The following ARHGEF4 variants were observed in gnomAD, a reference collection of about 807,000 sequenced individuals.
ARHGEF4 encodes the protein APC-stimulated guanine nucleotide exchange factor 1.
In ARHGEF4, 119 loss-of-function variants were observed where a neutral mutation model predicts 162.0. The ratio of observed to expected loss-of-function variants is 0.73; its 90% CI spans 0.63 to 0.86. The LOEUF is 0.86. Ranked by LOEUF, ARHGEF4 falls within the 40% of genes least tolerant of loss-of-function variation. The probability of loss-of-function intolerance (pLI) is 0.00; values close to 1 mark genes in which losing one functional copy is unlikely to be tolerated. For missense variants in ARHGEF4, 2,488 were observed against 2,456.0 expected (o/e 1.01, Z -0.28); for synonymous variants, 1,014 against 979.9 (o/e 1.03, Z -0.65).
At chr2:130,988,872 G>GTGTA (rs1161821092) in intron 4 of ARHGEF4, among the ~76,000 whole-genome samples, 11 of 108,508 alleles carry the variant, frequency 1.0e-4, no homozygotes, top group South Asian at 3.4e-4. Context: ...GTGTGTGTGT[G>GTGTA]TATATATATA....
chr2:130,887,080 A>G (rs1310194052), intron 1 of ARHGEF4, among the ~76,000 whole-genome samples: 1 of 151,886 alleles, frequency 6.6e-6, no homozygotes, highest in Admixed American at 6.5e-5. Flanking sequence ...GTAGTTTCCC[A>G]ATGTTGTTTT....
At chr2:131,005,818 A>G (rs1018306748) in intron 4 of ARHGEF4, among the ~76,000 whole-genome samples, 33 of 152,182 alleles carry the variant, frequency 2.2e-4, no homozygotes, top group African/African-American at 7.7e-4. Context: ...GTGTGTCTGT[A>G]GTAGACAGAA....
intron 1 of ARHGEF4, among the ~76,000 whole-genome samples, chr2:130,878,024 A>T (rs890839315): frequency 6.6e-6 from 1 of 152,076 alleles, no homozygotes. Context: ...TTAGGAGGAG[A>T]TGATGGCACT....
At position 130,914,606 on chromosome 2, in the gene ARHGEF4, C is replaced by T. The variant is rs1025615852; in HGVS notation, c.660C>T (p.Ser220=). ...CTCTTCAGAAATCCAGGTCTGAGAGCTATCTGGGCATCCCAGTGGTCTGGC... is the reference window on the plus strand; with the variant it reads ...CTCTTCAGAAATCCAGGTCTGAGAGTTATCTGGGCATCCCAGTGGTCTGGC... ...SVSLQKSRSE[S]YLGIPVVWPF... The change falls in exon 2 of 14, where the codon AGC becomes AGT. Residue 220 remains serine, a synonymous_variant. Coordinates refer to ENST00000409359, the MANE Select transcript of ARHGEF4 (RefSeq NM_001367493.1). The T allele has an allele frequency of 1.4e-6, 2 of 1,392,788 alleles. No homozygotes were observed. The highest frequency in any genetic ancestry group is 3.7e-5 in the South Asian group (2 of 54,716). 86.3% of individuals were successfully genotyped at this position (1,392,788 alleles called of 1,614,324 possible).
intron 5 of ARHGEF4, 146 bp downstream of exon 5, chr2:131,028,230 G>T: frequency 8.2e-7 from 1 of 1,213,744 alleles, no homozygotes; most frequent in Non-Finnish European, 1.1e-6. Flanking sequence ...GTTTCAGCCT[G>T]CAGTCCTCAT....
At chr2:131,042,618 C>T (rs1690905380) in intron 10 of ARHGEF4, among the ~76,000 whole-genome samples, 1 of 152,170 alleles carries the variant, frequency 6.6e-6, no homozygotes. Context: ...GATTCCAGGG[C>T]CCCACCCTAG....
intron 1 of ARHGEF4, among the ~76,000 whole-genome samples, chr2:130,868,184 C>G (rs891863185): frequency 6.6e-6 from 1 of 152,038 alleles, no homozygotes; most frequent in African/African-American, 2.4e-5. Context: ...CCCGGCCTCC[C>G]AGAGTGCTGG....
At chr2:130,976,925 TA>T (rs1685759658) in intron 4 of ARHGEF4, among the ~76,000 whole-genome samples, 4 of 151,640 alleles carry the variant, frequency 2.6e-5, no homozygotes, top group Non-Finnish European at 5.9e-5. Flanking sequence ...TATGGTGTGT[TA>T]GTATGTGTGG....
At chr2:130,909,656 T>TAAA (rs113498526) in intron 1 of ARHGEF4, among the ~76,000 whole-genome samples, 3 of 145,376 alleles carry the variant, frequency 2.1e-5, no homozygotes, top group African/African-American at 7.5e-5. Context: ...AATAAAGTTG[T>TAAA]AAAAAAAAAA....
intron 4 of ARHGEF4, among the ~76,000 whole-genome samples, chr2:131,005,713 C>T (rs1190127906): frequency 6.6e-6 from 1 of 152,092 alleles, no homozygotes; most frequent in African/African-American, 2.4e-5. Flanking sequence ...TGCCCAGCGC[C>T]CCAGGGGCCA....
chr2:130,901,048 A>G (rs974838729), intron 1 of ARHGEF4, among the ~76,000 whole-genome samples: 2 of 152,086 alleles, frequency 1.3e-5, no homozygotes, highest in African/African-American at 4.8e-5. Flanking sequence ...CCAAGTACCC[A>G]GTGCTGGTGG....
intron 2 of ARHGEF4, among the ~76,000 whole-genome samples, chr2:130,926,902 A>C (rs1176162624): frequency 2.4e-5 from 3 of 124,392 alleles, no homozygotes; most frequent in Non-Finnish European, 3.1e-5. Flanking sequence ...CAGGCTTGGA[A>C]TATTTCTGTT....
At chr2:130,870,967 T>C (rs986185658) in intron 1 of ARHGEF4, among the ~76,000 whole-genome samples, 4 of 152,092 alleles carry the variant, frequency 2.6e-5, no homozygotes, top group Non-Finnish European at 5.9e-5. Flanking sequence ...GCGGAGGAAG[T>C]GGCTGGTGCT....
chr2:131,033,683 C>T (rs1307568290), intron 5 of ARHGEF4, among the ~76,000 whole-genome samples: 1 of 152,182 alleles, frequency 6.6e-6, no homozygotes, highest in African/African-American at 2.4e-5. Flanking sequence ...CTGATCCCCC[C>T]AATTCTCCTG....
At chr2:131,035,883 T>G (rs1429105268) in intron 5 of ARHGEF4, 9 of 985,068 alleles carry the variant, frequency 9.1e-6, no homozygotes, top group Non-Finnish European at 7.2e-6. Flanking sequence ...AGGGAGTAGC[T>G]GGAGGCAGAG....
intron 1 of ARHGEF4, among the ~76,000 whole-genome samples, chr2:130,898,647 A>G (rs1288202640): frequency 6.6e-6 from 1 of 152,180 alleles, no homozygotes; most frequent in Non-Finnish European, 1.5e-5. Flanking sequence ...GGGCAGACAC[A>G]CATTCAGGGT....
Position 130,850,245 on chromosome 2 carries a change from G to A in ARHGEF4, c.39+13253G>A, listed in dbSNP as rs550822739. ...CCTCTTGGGAAGTGTGTGGGATCAGGCCTGTCTGTACCTGAGGAAGGAGGA... is the reference window on the plus strand; with the variant it reads ...CCTCTTGGGAAGTGTGTGGGATCAGACCTGTCTGTACCTGAGGAAGGAGGA... On this transcript the variant is annotated intron_variant, in intron 1 of 13. Transcript: ENST00000409359. Among the ~76,000 whole-genome samples, 145 of 152,318 alleles carry A rather than the reference G, an allele frequency of 9.5e-4. 1 individual carries two copies. Among genetic ancestry groups the A allele is most frequent in the African/African-American group, 3.4e-3 (140 of 41,580 alleles).
intron 1 of ARHGEF4, among the ~76,000 whole-genome samples, chr2:130,845,576 C>G (rs1392816633): frequency 6.6e-6 from 1 of 151,922 alleles, no homozygotes; most frequent in East Asian, 2.0e-4. Flanking sequence ...GGATTACAGG[C>G]TTGAGCCACT....
chr2:131,043,759 A>C, intron 11 of ARHGEF4, 176 bp downstream of exon 11: 1 of 798,598 alleles, frequency 1.3e-6, no homozygotes, highest in Non-Finnish European at 1.9e-6. Context: ...GTGGCCCAGG[A>C]GCAGCAGGCG....
Sources: gnomAD v4.1 joint callset for allele counts (sites outside exome capture counted in the v4.1 genomes callset) on GRCh38, gnomAD v4.1.1 for gene constraint, MANE v1.5 for transcripts, NCBI Gene and HGNC (gene_info 2026-07-23, HGNC 2026-07-21) for gene names.